The following NFE2L2 variants were observed in gnomAD, a reference collection of about 807,000 sequenced individuals.
NFE2L2 encodes the protein NFE2 like bZIP transcription factor 2.
A neutral mutation model predicts 49.6 loss-of-function variants in NFE2L2; 20 were observed. The ratio of observed to expected loss-of-function variants is 0.40; its 90% CI spans 0.28 to 0.59. The LOEUF (loss-of-function observed/expected upper bound fraction) is 0.59. Ranked by LOEUF, NFE2L2 falls within the 20% of genes least tolerant of loss-of-function variation. The probability of loss-of-function intolerance (pLI) is 0.40; values close to 1 mark genes in which losing one functional copy is unlikely to be tolerated. For missense variants in NFE2L2, 578 were observed against 714.2 expected (o/e 0.81, Z 2.17); for synonymous variants, 244 against 256.5 (o/e 0.95, Z 0.47).
intron 1 of NFE2L2, among the ~76,000 whole-genome samples, chr2:177,247,878 C>T (rs537375298): frequency 1.3e-5 from 2 of 151,942 alleles, no homozygotes; most frequent in African/African-American, 4.8e-5. Context: ...CAGATAAGAC[C>T]GAGGCTGGGC....
intron 1 of NFE2L2, among the ~76,000 whole-genome samples, chr2:177,259,621 G>A (rs1387742008): frequency 1.3e-5 from 2 of 151,486 alleles, no homozygotes; most frequent in Non-Finnish European, 2.9e-5. Flanking sequence ...TTCATGTCTA[G>A]GGTATAGTCT....
intron 1 of NFE2L2, among the ~76,000 whole-genome samples, chr2:177,236,508 A>G (rs577476774): frequency 5.3e-5 from 8 of 152,340 alleles, no homozygotes; most frequent in Non-Finnish European, 1.2e-4. Flanking sequence ...AGTACTTTAC[A>G]TATAGAAACT....
chr2:177,234,096 A>C lies in NFE2L2; in HGVS notation c.221T>G (p.Leu74Ter). The C allele has an allele frequency of 6.2e-7, 1 of 1,614,172 alleles. No individual in the cohort carries two copies. The highest frequency in any genetic ancestry group is 8.5e-7 in the Non-Finnish European group (1 of 1,180,030). ...KEQEKAFFAQ[L>*]QLDEETGEFL... ...TTCACCTGTCTCTTCATCTAGTTGTAACTGAGCGAAAAAGGCTTTCTCTTG... is the reference window on the plus strand; with the variant it reads ...TTCACCTGTCTCTTCATCTAGTTGTCACTGAGCGAAAAAGGCTTTCTCTTG... Residue 74 changes from leucine (L) to a stop codon, truncating the protein, a stop_gained, in exon 2 of 5, where the codon TTA becomes TGA. Transcript: ENST00000397062. LOFTEE classifies it high-confidence loss of function.
At chr2:177,248,676 T>C (rs1196174913) in intron 1 of NFE2L2, among the ~76,000 whole-genome samples, 1 of 152,236 alleles carries the variant, frequency 6.6e-6, no homozygotes, top group Non-Finnish European at 1.5e-5. Context: ...CCCAAAGTGC[T>C]GGCATTACAG....
chr2:177,242,724 G>A (rs1232623252), intron 1 of NFE2L2, among the ~76,000 whole-genome samples: 1 of 152,180 alleles, frequency 6.6e-6, no homozygotes, highest in African/African-American at 2.4e-5. Context: ...AAACTGGAAA[G>A]TGAAGAAAGC....
At chr2:177,243,396 C>T (rs1460575426) in intron 1 of NFE2L2, among the ~76,000 whole-genome samples, 2 of 152,190 alleles carry the variant, frequency 1.3e-5, no homozygotes, top group African/African-American at 2.4e-5. Context: ...ACATTCACAC[C>T]GTAAGGCTTC....
chr2:177,233,674 C>T, intron 2 of NFE2L2: 1 of 505,848 alleles, frequency 2.0e-6, no homozygotes, highest in Non-Finnish European at 3.5e-6. Flanking sequence ...TTGCCACACA[C>T]AGTAACGCCA....
At chr2:177,259,431 T>C (rs1371092884) in intron 1 of NFE2L2, among the ~76,000 whole-genome samples, 1 of 152,164 alleles carries the variant, frequency 6.6e-6, no homozygotes, top group Non-Finnish European at 1.5e-5. Flanking sequence ...ATACCAGGAT[T>C]TGCAACACAC....
chr2:177,262,766 G>A (rs76611439), intron 1 of NFE2L2, among the ~76,000 whole-genome samples: 1 of 152,122 alleles, frequency 6.6e-6, no homozygotes, highest in East Asian at 1.9e-4. Flanking sequence ...AGACAATTCC[G>A]GAAATCAGAA....
chr2:177,235,504 C>T (rs1406325900), intron 1 of NFE2L2, among the ~76,000 whole-genome samples: 1 of 151,946 alleles, frequency 6.6e-6, no homozygotes, highest in Non-Finnish European at 1.5e-5. Flanking sequence ...AGTTTTAAGA[C>T]ATAGGAAGAA....
intron 1 of NFE2L2, among the ~76,000 whole-genome samples, chr2:177,259,475 G>A (rs527869901): frequency 1.3e-4 from 20 of 152,262 alleles, no homozygotes; most frequent in African/African-American, 4.6e-4. Context: ...AAAAACGAAT[G>A]ATTAAACGTG....
intron 1 of NFE2L2, among the ~76,000 whole-genome samples, chr2:177,241,114 A>C (rs1689923769): frequency 6.6e-6 from 1 of 152,124 alleles, no homozygotes; most frequent in Admixed American, 6.5e-5. Flanking sequence ...CACACTACTA[A>C]CTCTCAACAG....
In NFE2L2 at chr2:177,232,419, C is replaced by A. The variant is rs1006625743; in HGVS notation, c.567G>T (p.Glu189Asp). Residue 189 changes from glutamate (E) to aspartate (D), a missense_variant, in exon 4 of 5, where the codon GAG (glutamate) becomes GAT (aspartate). Coordinates refer to ENST00000397062, the MANE Select transcript of NFE2L2 (RefSeq NM_006164.5). Reference sequence around the variant, plus strand: ...GTAACTCAGGAATGGATAATAGCTCCTCCCAAACTTGCTCAATGTCCTGTT... The same window carrying A: ...GTAACTCAGGAATGGATAATAGCTCATCCCAAACTTGCTCAATGTCCTGTT... ...GMQQDIEQVW[E>D]ELLSIPELQC... The A allele has an allele frequency of 1.2e-6, 2 of 1,613,652 alleles. No homozygotes were observed. Among genetic ancestry groups the A allele is most frequent in the Non-Finnish European group, 1.7e-6 (2 of 1,179,794 alleles).
chr2:177,262,982 T>C (rs1690794690), intron 1 of NFE2L2, among the ~76,000 whole-genome samples: 2 of 152,228 alleles, frequency 1.3e-5, no homozygotes, highest in African/African-American at 4.8e-5. Context: ...TAATACATTG[T>C]CCATAACTTA....
intron 1 of NFE2L2, among the ~76,000 whole-genome samples, chr2:177,243,900 C>T (rs1050620081): frequency 6.6e-6 from 1 of 151,892 alleles, no homozygotes; most frequent in African/African-American, 2.4e-5. Flanking sequence ...TACTAAATGC[C>T]ATTTACTGCT....
intron 1 of NFE2L2, among the ~76,000 whole-genome samples, chr2:177,251,732 G>A (rs990416537): frequency 2.0e-5 from 3 of 152,180 alleles, no homozygotes; most frequent in Non-Finnish European, 2.9e-5. Context: ...TTTGCCAGGC[G>A]TGGTGGCTCA....
chr2:177,231,271 G>T lies in NFE2L2; in HGVS notation c.1332C>A (p.Asp444Glu). Residue 444 changes from aspartate to glutamate, a missense_variant, in exon 5 of 5, where the codon GAC becomes GAA. Asp to Glu is a conservative substitution (Grantham distance 45). Coordinates refer to ENST00000397062, the MANE Select transcript of NFE2L2 (RefSeq NM_006164.5). ...PGHRKTPFTKDKHSSRLEAHL... is the reference protein window; with the variant it reads ...PGHRKTPFTKEKHSSRLEAHL... ...GAGCCTCCAAGCGGCTTGAATGTTT[G>T]TCTTTTGTGAATGGGGTTTTCCGAT... The T allele has an allele frequency of 6.2e-7, 1 of 1,614,196 alleles. No individual in the cohort carries two copies. The highest frequency in any genetic ancestry group is 8.5e-7 in the Non-Finnish European group (1 of 1,180,032).
Position 177,233,359 on chromosome 2 carries a change from C to A in NFE2L2, c.313-20G>T. 1 of 1,581,218 alleles carries A rather than the reference C, an allele frequency of 6.3e-7. No individual in the cohort carries two copies. Among genetic ancestry groups the A allele is most frequent in the Middle Eastern group, 1.7e-4 (1 of 5,996 alleles). On this transcript the variant is annotated intron_variant, in intron 2 of 4. Coordinates refer to ENST00000397062, the MANE Select transcript of NFE2L2 (RefSeq NM_006164.5). ...GGCAACCTGATAAAAGGGAATGACA[C>A]AAAGGAAAACAAAAATGGTTAAATA...
At chr2:177,246,458 A>G (rs1449256125) in intron 1 of NFE2L2, among the ~76,000 whole-genome samples, 1 of 152,142 alleles carries the variant, frequency 6.6e-6, no homozygotes. Context: ...CAAGGCAATC[A>G]CTAGTATCAG....
Sources: gnomAD v4.1 joint callset for allele counts (sites outside exome capture counted in the v4.1 genomes callset) on GRCh38, gnomAD v4.1.1 for gene constraint, MANE v1.5 for transcripts, NCBI Gene and HGNC (gene_info 2026-07-23, HGNC 2026-07-21) for gene names.